Variants in COLEC12 observed in about 807,000 individuals in gnomAD.
The protein encoded by COLEC12 is collectin-12.
Under a neutral mutation model 71.1 loss-of-function variants are expected in COLEC12, and 33 were observed. The observed-to-expected ratio is 0.46, with a 90% confidence interval of 0.35 to 0.62. The LOEUF (loss-of-function observed/expected upper bound fraction) is 0.62, where lower values mean the gene tolerates loss of function less well. Ranked by LOEUF, COLEC12 falls within the 20% of genes least tolerant of loss-of-function variation. The pLI, the probability that COLEC12 is intolerant of heterozygous loss-of-function variation, is 0.00. For missense variants in COLEC12, 765 were observed against 916.1 expected, an observed-to-expected ratio of 0.84 and a Z score of 2.13; for synonymous variants, 350 against 353.0, an observed-to-expected ratio of 0.99 and a Z score of 0.10.
intron 2 of COLEC12, among the ~76,000 whole-genome samples, chr18:416,620 G>A (rs999198669): frequency 3.3e-5 from 5 of 152,044 alleles, no homozygotes; most frequent in Admixed American, 6.6e-5. Flanking sequence ...ACATTATAAA[G>A]CTTTGGGACT....
intron 2 of COLEC12, among the ~76,000 whole-genome samples, chr18:365,736 T>G (rs1323982783): frequency 1.3e-5 from 2 of 152,218 alleles, no homozygotes; most frequent in Non-Finnish European, 2.9e-5. Context: ...AATATTTTTT[T>G]CTTACCAATA....
At chr18:410,740 G>C (rs1915877082) in intron 2 of COLEC12, among the ~76,000 whole-genome samples, 1 of 151,528 alleles carries the variant, frequency 6.6e-6, no homozygotes, top group Non-Finnish European at 1.5e-5. Flanking sequence ...TTCTATCCTA[G>C]ACTTATAGTG....
chr18:376,485 G>A (rs761431133), intron 2 of COLEC12, among the ~76,000 whole-genome samples: 36 of 152,142 alleles, frequency 2.4e-4, no homozygotes, highest in Non-Finnish European at 3.7e-4. Context: ...TTTTTGGCAC[G>A]TTGCACTGTA....
chr18:345,692 A>G (rs527929734), intron 5 of COLEC12, among the ~76,000 whole-genome samples: 1 of 152,338 alleles, frequency 6.6e-6, no homozygotes, highest in East Asian at 1.9e-4. Context: ...TATTGCATTG[A>G]AATAGCTCAA....
chr18:318,102 GAGTAGCTGGGA>G lies in COLEC12; in HGVS notation c.*1932_*1942del, dbSNP rs1913592816. On this transcript the variant is annotated 3_prime_UTR_variant, in exon 10 of 10. Coordinates refer to ENST00000400256, the MANE Select transcript of COLEC12 (RefSeq NM_130386.3). ...CGCCATTCTCCTGCCTCAGCCTCCC[GAGTAGCTGGGA>G]CTACAGGCGCCCGCCACCGCGCCCG... is the stretch of plus-strand genomic sequence containing the variant. 4.2e-4 allele frequency: 1 copy of G among 2,408 alleles called. No individual in the cohort carries two copies. Among genetic ancestry groups the G allele is most frequent in the Non-Finnish European group, 0.042 (1 of 24 alleles). 0.1% of individuals were successfully genotyped at this position (2,408 alleles called of 1,614,324 possible). A position where few individuals can be genotyped will look rare whatever the true frequency, so the allele number is the denominator to read the frequency against.
At chr18:367,048 G>A (rs1029436956) in intron 2 of COLEC12, among the ~76,000 whole-genome samples, 9 of 152,208 alleles carry the variant, frequency 5.9e-5, no homozygotes, top group African/African-American at 2.2e-4. Flanking sequence ...TGAGTCCCAA[G>A]ACCCTACAGC....
chr18:389,347 C>T (rs921603194), intron 2 of COLEC12, among the ~76,000 whole-genome samples: 3 of 150,990 alleles, frequency 2.0e-5, no homozygotes, highest in African/African-American at 7.3e-5. Context: ...TCTGCGATCT[C>T]GGCTCACTGC....
chr18:420,764 C>T (rs566796987), intron 2 of COLEC12, among the ~76,000 whole-genome samples: 1 of 152,038 alleles, frequency 6.6e-6, no homozygotes, highest in Non-Finnish European at 1.5e-5. Flanking sequence ...TTAAAAAAAC[C>T]CTTTCAGGCT....
intron 2 of COLEC12, among the ~76,000 whole-genome samples, chr18:368,596 G>T (rs1340939113): frequency 6.6e-6 from 1 of 151,948 alleles, no homozygotes. Flanking sequence ...CGGGCGCGGT[G>T]GCTCAGGCCT....
At chr18:436,525 A>AGGG (rs10547166) in intron 2 of COLEC12, among the ~76,000 whole-genome samples, 27 of 98,916 alleles carry the variant, frequency 2.7e-4, no homozygotes, top group Non-Finnish European at 3.6e-4. Flanking sequence ...CAAAAAAAAA[A>AGGG]GGGGGGGGGG....
At position 441,092 on chromosome 18, in the gene COLEC12, C is replaced by T. The variant is rs567290725; in HGVS notation, c.58+39615G>A. 3.3e-5 allele frequency among the ~76,000 whole-genome samples: 4 copies of T among 123,068 alleles called. No individual in the cohort carries two copies. In the East Asian group the frequency reaches 9.8e-4, roughly 30 times the overall value. The allele number at this position is 123,068 out of a possible 152,430, so 80.7% of individuals were successfully genotyped here. A position where few individuals can be genotyped will look rare whatever the true frequency, so the allele number is the denominator to read the frequency against. On this transcript the variant is annotated intron_variant, in intron 2 of 9. Transcript: ENST00000400256. ...TGAAACCCTGTCTCTACTAAAAATA[C>T]AAAAAATTGGCCAGGCGTGGTGGCG... is the stretch of plus-strand genomic sequence containing the variant.
At chr18:344,376 G>A (rs143691900) in intron 5 of COLEC12, among the ~76,000 whole-genome samples, 3 of 152,324 alleles carry the variant, frequency 2.0e-5, no homozygotes, top group Non-Finnish European at 4.4e-5. Flanking sequence ...CTTTAAATAA[G>A]TGCAGATGGC....
At chr18:363,881 A>G (rs1914800192) in intron 2 of COLEC12, among the ~76,000 whole-genome samples, 1 of 152,178 alleles carries the variant, frequency 6.6e-6, no homozygotes, top group Non-Finnish European at 1.5e-5. Flanking sequence ...ACACCTTACT[A>G]TGCCAAGTTT....
intron 2 of COLEC12, among the ~76,000 whole-genome samples, chr18:437,768 T>C (rs983857615): frequency 4.1e-4 from 62 of 152,340 alleles, no homozygotes; most frequent in African/African-American, 1.5e-3. Context: ...TTGCGTTAAG[T>C]GAGCCTCTCC....
At chr18:376,785 T>A (rs974842769) in intron 2 of COLEC12, among the ~76,000 whole-genome samples, 2 of 152,138 alleles carry the variant, frequency 1.3e-5, no homozygotes, top group African/African-American at 2.4e-5. Flanking sequence ...ATTCTAAGGA[T>A]TAGAGTAAGG....
At chr18:437,850 A>G (rs1201860975) in intron 2 of COLEC12, among the ~76,000 whole-genome samples, 3 of 152,236 alleles carry the variant, frequency 2.0e-5, no homozygotes, top group African/African-American at 7.2e-5. Flanking sequence ...CAAATTGTGT[A>G]AAAAAATTCC....
intron 2 of COLEC12, among the ~76,000 whole-genome samples, chr18:463,987 A>G (rs1917036180): frequency 6.6e-6 from 1 of 152,120 alleles, no homozygotes; most frequent in Non-Finnish European, 1.5e-5. Context: ...CCCGAGCTCC[A>G]GGAAGGAAGG....
chr18:372,513 G>A (rs560253408), intron 2 of COLEC12, among the ~76,000 whole-genome samples: 2 of 152,198 alleles, frequency 1.3e-5, no homozygotes, highest in Admixed American at 1.3e-4. Context: ...AAACTCCTGG[G>A]CTCAAGCAAT....
At chr18:410,806 A>T (rs1025366412) in intron 2 of COLEC12, among the ~76,000 whole-genome samples, 1 of 152,202 alleles carries the variant, frequency 6.6e-6, no homozygotes, top group Non-Finnish European at 1.5e-5. Flanking sequence ...AAATATCCGA[A>T]AAAAGCTCAT....
Sources: gnomAD v4.1 joint callset for allele counts (sites outside exome capture counted in the v4.1 genomes callset) on GRCh38, gnomAD v4.1.1 for gene constraint, MANE v1.5 for transcripts, NCBI Gene and HGNC (gene_info 2026-07-23, HGNC 2026-07-21) for gene names.